The following FAM174A variants were observed in gnomAD, a reference collection of about 807,000 sequenced individuals.
The protein encoded by FAM174A is family with sequence similarity 174 member A, also known as membrane protein FAM174A.
A neutral mutation model predicts 14.3 loss-of-function variants in FAM174A; 14 were observed. That is an observed-to-expected ratio of 0.98 (90% CI 0.65 to 1.53). FAM174A has a LOEUF of 1.53. Ranked by LOEUF, FAM174A falls within the 40% of genes most tolerant of loss-of-function variation. The pLI, the probability that FAM174A is intolerant of heterozygous loss-of-function variation, is 0.00. For synonymous variants in FAM174A, 108 were observed against 111.4 expected, an observed-to-expected ratio of 0.97 and a Z score of 0.19; for missense variants, 241 against 249.6, an observed-to-expected ratio of 0.97 and a Z score of 0.23.
rs1554047545 is a variant in FAM174A at position 100,566,143 on chromosome 5, T to TAG, written c.569+3956_569+3957insGA. 2.2e-3 allele frequency among the ~76,000 whole-genome samples: 215 copies of TAG among 98,374 alleles called. 1 individual carries two copies. The highest frequency in any genetic ancestry group is 0.017 in the South Asian group (63 of 3,632). 64.5% of individuals were successfully genotyped at this position (98,374 alleles called of 152,430 possible). On this transcript the variant is annotated intron_variant, in intron 2 of 2. Transcript: ENST00000312637. ...AGATAAATGAATTTGAAAAGTATGA[T>TAG]ATATATATATATATATATATATATA...
intron 1 of FAM174A, among the ~76,000 whole-genome samples, chr5:100,544,036 G>A (rs549843516): frequency 3.3e-5 from 5 of 152,068 alleles, no homozygotes; most frequent in South Asian, 4.2e-4. Context: ...AGATTTTCAC[G>A]TTTTCTGAAT....
chr5:100,535,755 GC>G lies in FAM174A; in HGVS notation c.227del (p.Pro76ArgfsTer36). On this transcript the variant is annotated frameshift_variant, in exon 1 of 3. Transcript: ENST00000312637. LOFTEE classifies it high-confidence loss of function. ...GCCGTGGTCTGGCTGAAGCTGCGGG[GC>G]CGCGGGGCTCCGAGGGAGGCAATGG... ...PGRGLAEAAG[P>X]RGSEGGNGSN... The G allele has an allele frequency of 6.2e-7, 1 of 1,604,386 alleles. No homozygotes were observed. The highest frequency in any genetic ancestry group is 8.5e-7 in the Non-Finnish European group (1 of 1,177,742).
At chr5:100,547,455 A>G (rs554954377) in intron 1 of FAM174A, among the ~76,000 whole-genome samples, 1 of 152,212 alleles carries the variant, frequency 6.6e-6, no homozygotes, top group South Asian at 2.1e-4. Context: ...ATGTTTTTCA[A>G]TTTGGGCTGC....
rs1030238971 is a variant in FAM174A at position 100,584,291 on chromosome 5, C to G, written c.570-1890C>G. ...AGTACTGTTAGCCTATCCTTTCAGT[C>G]TTAAATCATACTGCTCACTTCTCTT... On this transcript the variant is annotated intron_variant, in intron 2 of 2. Transcript: ENST00000312637. 2.6e-5 allele frequency among the ~76,000 whole-genome samples: 4 copies of G among 152,184 alleles called. No homozygotes were observed. In the South Asian group the frequency reaches 8.3e-4, roughly 31 times the overall value.
intron 2 of FAM174A, among the ~76,000 whole-genome samples, chr5:100,575,724 A>G (rs1580377631): frequency 6.6e-6 from 1 of 152,242 alleles, no homozygotes; most frequent in Admixed American, 6.5e-5. Flanking sequence ...CAGCAAAAGA[A>G]ACTACCATCA....
At chr5:100,555,743 C>G (rs1232553829) in intron 1 of FAM174A, among the ~76,000 whole-genome samples, 1 of 152,086 alleles carries the variant, frequency 6.6e-6, no homozygotes, top group African/African-American at 2.4e-5. Flanking sequence ...TGAGAAGTGT[C>G]TGTTCATATC....
Position 100,535,844 on chromosome 5 carries a change from T to C in FAM174A, c.314T>C (p.Val105Ala). 1 of 1,611,914 alleles carries C rather than the reference T, an allele frequency of 6.2e-7. No individual in the cohort carries two copies. Among genetic ancestry groups the C allele is most frequent in the South Asian group, 1.1e-5 (1 of 91,060 alleles). ...DHGGKAGEGSVGGGLAVSPNP... is the reference protein window; with the variant it reads ...DHGGKAGEGSAGGGLAVSPNP... Reference sequence around the variant, plus strand: ...GGAGGGAAGGCCGGGGAAGGCTCGGTGGGTGGCGGCCTTGCTGTGAGCCCC... The same window carrying C: ...GGAGGGAAGGCCGGGGAAGGCTCGGCGGGTGGCGGCCTTGCTGTGAGCCCC... Residue 105 changes from valine (V) to alanine (A), a missense_variant, in exon 1 of 3, where the codon GTG (valine) becomes GCG (alanine). Val to Ala is a moderately conservative substitution (Grantham distance 64, BLOSUM62 0). Coordinates refer to ENST00000312637, the MANE Select transcript of FAM174A (RefSeq NM_198507.3).
At chr5:100,576,915 C>T (rs1339470970) in intron 2 of FAM174A, among the ~76,000 whole-genome samples, 1 of 151,986 alleles carries the variant, frequency 6.6e-6, no homozygotes, top group East Asian at 1.9e-4. Context: ...TCAGCTTTTC[C>T]AGAAAGAAAA....
chr5:100,558,789 G>A (rs1274287391), intron 1 of FAM174A, among the ~76,000 whole-genome samples: 1 of 151,972 alleles, frequency 6.6e-6, no homozygotes, highest in Non-Finnish European at 1.5e-5. Context: ...CCATTTGCTT[G>A]GTAGATCTTC....
chr5:100,550,176 A>G (rs1005015806), intron 1 of FAM174A, among the ~76,000 whole-genome samples: 6 of 152,234 alleles, frequency 3.9e-5, no homozygotes, highest in Admixed American at 2.6e-4. Context: ...GGGTTAGAGT[A>G]TGACAGTTGC....
At position 100,535,417 on chromosome 5, in the gene FAM174A, T is replaced by G. The variant is rs1745917300; in HGVS notation, c.-114T>G. The G allele has an allele frequency of 2.6e-6, 3 of 1,159,070 alleles. No individual in the cohort carries two copies. Among genetic ancestry groups the G allele is most frequent in the Non-Finnish European group, 3.7e-6 (3 of 810,078 alleles). The allele number at this position is 1,159,070 out of a possible 1,614,324, so 71.8% of individuals were successfully genotyped here. ...TTCTGCCACCTGCCACGACCGGGCC[T>G]CTCCCTGGCGTTTGGTCACCTCTGC... On this transcript the variant is annotated 5_prime_UTR_variant, in exon 1 of 3. Coordinates refer to ENST00000312637, the MANE Select transcript of FAM174A (RefSeq NM_198507.3).
Position 100,586,269 on chromosome 5 carries a change from C to G in FAM174A, c.*85C>G. 1 of 904,110 alleles carries G rather than the reference C, an allele frequency of 1.1e-6. No homozygotes were observed. Among genetic ancestry groups the G allele is most frequent in the Non-Finnish European group, 1.7e-6 (1 of 588,754 alleles). The allele number at this position is 904,110 out of a possible 1,614,324, so 56.0% of individuals were successfully genotyped here. Reference sequence around the variant, plus strand: ...TTTAAGGAATAAGAAGCCACTATATCAATGTTGGGGGGGTATTTAAGTTAC... The same window carrying G: ...TTTAAGGAATAAGAAGCCACTATATGAATGTTGGGGGGGTATTTAAGTTAC... On this transcript the variant is annotated 3_prime_UTR_variant, in exon 3 of 3. Transcript: ENST00000312637.
chr5:100,554,264 G>A (rs1230062813), intron 1 of FAM174A, among the ~76,000 whole-genome samples: 1 of 146,152 alleles, frequency 6.8e-6, no homozygotes, highest in Non-Finnish European at 1.5e-5. Context: ...TAAATGATAT[G>A]TTTCAAAAGC....
chr5:100,576,573 A>G (rs1292746031), intron 2 of FAM174A, among the ~76,000 whole-genome samples: 3 of 152,158 alleles, frequency 2.0e-5, no homozygotes, highest in Non-Finnish European at 4.4e-5. Flanking sequence ...ATCATTCATA[A>G]ACTAAGACAT....
intron 1 of FAM174A, among the ~76,000 whole-genome samples, chr5:100,547,773 G>T (rs967613244): frequency 6.6e-6 from 1 of 152,056 alleles, no homozygotes; most frequent in Admixed American, 6.6e-5. Context: ...TTATCATTTA[G>T]GAGGTTTTTA....
At chr5:100,586,148 G>A in intron 2 of FAM174A, 33 bp from the exon 3 acceptor site, 3 of 1,187,934 alleles carry the variant, frequency 2.5e-6, no homozygotes, top group African/African-American at 1.6e-5. Flanking sequence ...TTCTAGAAAG[G>A]ATATTTATGG....
intron 2 of FAM174A, chr5:100,581,534 C>T (rs1747017090): frequency 4.7e-6 from 1 of 211,666 alleles, no homozygotes. Context: ...GGGCGGATCA[C>T]TTGAGGTCTG....
At chr5:100,549,034 A>G (rs964630880) in intron 1 of FAM174A, among the ~76,000 whole-genome samples, 3 of 152,136 alleles carry the variant, frequency 2.0e-5, no homozygotes, top group African/African-American at 4.8e-5. Context: ...ATATATACGT[A>G]TATGTATCTA....
chr5:100,574,908 A>T (rs572675995), intron 2 of FAM174A, among the ~76,000 whole-genome samples: 1 of 152,316 alleles, frequency 6.6e-6, no homozygotes, highest in South Asian at 2.1e-4. Flanking sequence ...GACGTATTAG[A>T]GACTATGTTA....
Sources: allele counts gnomAD v4.1 joint callset (sites outside exome capture counted in the v4.1 genomes callset), GRCh38; gene constraint gnomAD v4.1.1; transcripts MANE v1.5; gene names NCBI Gene and HGNC (gene_info 2026-07-23, HGNC 2026-07-21).